TPST1: variants seen among roughly 807,000 people sequenced by gnomAD.
TPST1 encodes the protein protein-tyrosine sulfotransferase 1.
In TPST1, 20 loss-of-function variants were observed where a neutral mutation model predicts 34.8. The observed-to-expected ratio is 0.57, with a 90% CI of 0.40 to 0.84. The LOEUF (loss-of-function observed/expected upper bound fraction) is 0.84, where lower values mean the gene tolerates loss of function less well. Among genes scored for constraint, TPST1 ranks in the 40% least tolerant of loss-of-function variants. TPST1 has a pLI of 0.00. For missense variants in TPST1, 353 were observed against 455.5 expected (o/e 0.78, Z 2.05); for synonymous variants, 152 against 159.4 (o/e 0.95, Z 0.35).
In TPST1 at chr7:66,240,694, A is replaced by C; in HGVS notation, c.269A>C (p.Asp90Ala). The change falls in exon 2 of 6, where the codon GAC becomes GCC. Residue 90 changes from aspartate to alanine, a missense_variant. Coordinates refer to ENST00000304842, the MANE Select transcript of TPST1 (RefSeq NM_003596.4). ...SGTTLMRAML[D>A]AHPDIRCGEE... Reference sequence around the variant, plus strand: ...ACCACACTCATGAGGGCCATGCTGGACGCACATCCTGACATTCGCTGTGGA... The same window carrying C: ...ACCACACTCATGAGGGCCATGCTGGCCGCACATCCTGACATTCGCTGTGGA... 2 of 1,614,174 alleles carry C rather than the reference A, an allele frequency of 1.2e-6. No homozygotes were observed. Among genetic ancestry groups the C allele is most frequent in the Middle Eastern group, 1.6e-4 (1 of 6,062 alleles).
intron 3 of TPST1, among the ~76,000 whole-genome samples, chr7:66,314,355 G>A (rs1791592256): frequency 2.6e-5 from 4 of 152,034 alleles, no homozygotes; most frequent in Admixed American, 2.6e-4. Context: ...GGCAACATAG[G>A]GAGACCCCAT....
At chr7:66,320,186 G>C (rs1791721063) in intron 3 of TPST1, among the ~76,000 whole-genome samples, 1 of 151,506 alleles carries the variant, frequency 6.6e-6, no homozygotes. Context: ...GTAACCTTTG[G>C]CTGGGAGGAT....
At chr7:66,229,520 G>A (rs1302419515) in intron 1 of TPST1, among the ~76,000 whole-genome samples, 2 of 152,164 alleles carry the variant, frequency 1.3e-5, no homozygotes, top group Admixed American at 1.3e-4. Context: ...CAGTGAATAT[G>A]TCACACTTTA....
chr7:66,328,692 A>G (rs532287752), intron 3 of TPST1, among the ~76,000 whole-genome samples: 3 of 151,144 alleles, frequency 2.0e-5, no homozygotes, highest in African/African-American at 7.3e-5. Context: ...CTATAGGCAC[A>G]TGCCACAACG....
At chr7:66,305,428 C>G (rs1791402575) in intron 3 of TPST1, among the ~76,000 whole-genome samples, 1 of 152,120 alleles carries the variant, frequency 6.6e-6, no homozygotes, top group Non-Finnish European at 1.5e-5. Context: ...TTGTTTTGCT[C>G]TAATATCCCG....
Position 66,286,660 on chromosome 7 carries a change from C to T in TPST1, c.995C>T (p.Pro332Leu), listed in dbSNP as rs145846069. The part of the protein sequence containing the change: ...AKLGYDPYAN[P>L]PNYGKPDPKI... ...CTTGGATATGACCCATATGCCAACC[C>T]ACCTAACTACGGAAAACCTGATCCC... is the stretch of plus-strand genomic sequence containing the variant. Residue 332 changes from proline to leucine, a missense_variant, in exon 3 of 6, where the codon CCA becomes CTA. Physicochemically the swap from Pro to Leu is moderately conservative, Grantham distance 98. Transcript: ENST00000304842. 6.3e-7 allele frequency: 1 copy of T among 1,595,276 alleles called. No individual in the cohort carries two copies. The highest frequency in any genetic ancestry group is 1.4e-5 in the African/African-American group (1 of 73,972).
At chr7:66,206,191 T>C (rs1041485825) in intron 1 of TPST1, among the ~76,000 whole-genome samples, 1 of 146,416 alleles carries the variant, frequency 6.8e-6, no homozygotes, top group Admixed American at 7.0e-5. Context: ...ACTCCTGACC[T>C]CAAGCTATCC....
intron 3 of TPST1, among the ~76,000 whole-genome samples, chr7:66,334,245 A>G (rs1792049210): frequency 6.6e-6 from 1 of 152,140 alleles, no homozygotes; most frequent in East Asian, 1.9e-4. Context: ...GGAGGAAGAA[A>G]ACTAGAGAAA....
intron 1 of TPST1, among the ~76,000 whole-genome samples, chr7:66,232,532 C>A (rs1789820160): frequency 6.6e-6 from 1 of 152,110 alleles, no homozygotes; most frequent in African/African-American, 2.4e-5. Context: ...ACCACCATGC[C>A]CGGCTAATTT....
chr7:66,352,490 G>C lies in TPST1; in HGVS notation c.1045-15G>C. On this transcript the variant is annotated splice_polypyrimidine_tract_variant and intron_variant, in intron 3 of 5. Transcript: ENST00000304842. ...GACCTGTTGCCTTAAACTCACGCCT[G>C]CTTTGTTTTTCCAGGTCTATAAGGG... The C allele has an allele frequency of 6.2e-7, 1 of 1,611,444 alleles. No homozygotes were observed. Among genetic ancestry groups the C allele is most frequent in the South Asian group, 1.1e-5 (1 of 90,608 alleles).
intron 1 of TPST1, among the ~76,000 whole-genome samples, chr7:66,221,264 T>C (rs1477195578): frequency 6.6e-6 from 1 of 152,134 alleles, no homozygotes; most frequent in African/African-American, 2.4e-5. Flanking sequence ...AACTGATTTT[T>C]TTTCCGTAAT....
chr7:66,328,304 G>T (rs1338189943), intron 3 of TPST1, among the ~76,000 whole-genome samples: 1 of 151,794 alleles, frequency 6.6e-6, no homozygotes, highest in Non-Finnish European at 1.5e-5. Flanking sequence ...TGGGATTACA[G>T]ACGTGAGCCA....
At chr7:66,325,113 T>C (rs1275775732) in intron 3 of TPST1, among the ~76,000 whole-genome samples, 1 of 152,094 alleles carries the variant, frequency 6.6e-6, no homozygotes, top group African/African-American at 2.4e-5. Context: ...CTTAAAATCA[T>C]AGTAGAAGGT....
chr7:66,266,869 G>A (rs1437793592), intron 2 of TPST1, among the ~76,000 whole-genome samples: 2 of 152,074 alleles, frequency 1.3e-5, no homozygotes, highest in Non-Finnish European at 2.9e-5. Context: ...GGTTATTCTA[G>A]GGGGCTGACT....
intron 3 of TPST1, among the ~76,000 whole-genome samples, chr7:66,314,523 AAATT>A (rs929379151): frequency 2.6e-5 from 4 of 152,000 alleles, no homozygotes; most frequent in African/African-American, 7.2e-5. Flanking sequence ...AAAAATAAAT[AAATT>A]AATTAAAAAT....
At chr7:66,231,603 G>A (rs1305575221) in intron 1 of TPST1, among the ~76,000 whole-genome samples, 1 of 152,246 alleles carries the variant, frequency 6.6e-6, no homozygotes, top group Non-Finnish European at 1.5e-5. Flanking sequence ...CTCATTGCCC[G>A]GGGCCGGCAG....
chr7:66,356,947 G>T, intron 5 of TPST1, 76 bp downstream of exon 5: 1 of 1,465,794 alleles, frequency 6.8e-7, no homozygotes, highest in South Asian at 1.2e-5. Flanking sequence ...GGCCAAGGTG[G>T]AGAGCACAGC....
chr7:66,318,655 T>C (rs560350057), intron 3 of TPST1, among the ~76,000 whole-genome samples: 41 of 152,072 alleles, frequency 2.7e-4, no homozygotes, highest in African/African-American at 9.9e-4. Context: ...TTAGTAGAGA[T>C]GGGGTTTCAC....
chr7:66,292,857 C>T (rs1791113330), intron 3 of TPST1, among the ~76,000 whole-genome samples: 5 of 151,918 alleles, frequency 3.3e-5, no homozygotes, highest in African/African-American at 9.7e-5. Flanking sequence ...CGGAGCTGTT[C>T]CTATTCGGCC....
Sources: gnomAD v4.1 joint callset for allele counts (sites outside exome capture counted in the v4.1 genomes callset) on GRCh38, gnomAD v4.1.1 for gene constraint, MANE v1.5 for transcripts, NCBI Gene and HGNC (gene_info 2026-07-23, HGNC 2026-07-21) for gene names.